The following PKD2L1 variants were observed in gnomAD, a reference collection of about 807,000 sequenced individuals.
The protein encoded by PKD2L1 is polycystin 2 like 1, transient receptor potential cation channel.
PKD2L1 carries 77 observed loss-of-function variants against 93.0 expected under a neutral mutation model. That is an observed-to-expected ratio of 0.83 (90% confidence interval 0.69 to 1.00). The LOEUF (loss-of-function observed/expected upper bound fraction) is 1.00. PKD2L1 is among the 50% of genes least tolerant of loss of function. PKD2L1 has a pLI of 0.00. For missense variants in PKD2L1, 977 were observed against 990.9 expected, an observed-to-expected ratio of 0.99 and a Z score of 0.19; for synonymous variants, 390 against 388.0, an observed-to-expected ratio of 1.01 and a Z score of -0.06.
chr10:100,296,971 G>A lies in PKD2L1; in HGVS notation c.1185+9C>T. 6.3e-7 allele frequency: 1 copy of A among 1,582,568 alleles called. No homozygotes were observed. The highest frequency in any genetic ancestry group is 8.7e-7 in the Non-Finnish European group (1 of 1,151,564). On this transcript the variant is annotated intron_variant, in intron 6 of 15. Transcript: ENST00000318222. ...AGAATGTCCCAAGTCCTAGATATCT[G>A]TCCCTCACCAAGATGACCACCAGGT...
At position 100,290,041 on chromosome 10, in the gene PKD2L1, CCTT is replaced by C. The variant is rs773510970; in HGVS notation, c.2221_2223del (p.Lys741del). On this transcript the variant is annotated inframe_deletion, in exon 14 of 16. Transcript: ENST00000318222. The stretch of plus-strand genomic sequence containing the variant: ...ACGCCTGGGGAGGGAGCCAGCCACC[CCTT>C]CCTCTCCAGCATTTTCAGCTTTGAG... The C allele has an allele frequency of 2.9e-5, 47 of 1,614,182 alleles. No homozygotes were observed. Among genetic ancestry groups the C allele is most frequent in the Non-Finnish European group, 3.8e-5 (45 of 1,180,038 alleles).
intron 15 of PKD2L1, 124 bp downstream of exon 15, chr10:100,288,848 G>A: frequency 1.6e-6 from 1 of 608,854 alleles, no homozygotes; most frequent in Non-Finnish European, 2.9e-6. Context: ...GATGCAGGGT[G>A]GGGCTCAGCA....
intron 13 of PKD2L1, 101 bp downstream of exon 13, chr10:100,290,300 G>C: frequency 8.0e-7 from 1 of 1,248,498 alleles, no homozygotes; most frequent in Non-Finnish European, 1.2e-6. Flanking sequence ...GTTCTCCCTG[G>C]GGTAGGACAG....
intron 2 of PKD2L1, among the ~76,000 whole-genome samples, chr10:100,306,750 G>A (rs767197219): frequency 5.3e-5 from 8 of 150,380 alleles, no homozygotes; most frequent in Admixed American, 3.3e-4. Context: ...CCAGCTACTC[G>A]GGGGACTGAG....
chr10:100,316,954 G>A (rs1849112986), intron 2 of PKD2L1, among the ~76,000 whole-genome samples: 1 of 152,078 alleles, frequency 6.6e-6, no homozygotes, highest in Non-Finnish European at 1.5e-5. Context: ...TGGGTGTGGT[G>A]GCACCTGCCT....
At chr10:100,288,926 G>T in intron 15 of PKD2L1, 46 bp downstream of exon 15, 1 of 1,304,852 alleles carries the variant, frequency 7.7e-7, no homozygotes, top group Non-Finnish European at 1.1e-6. Flanking sequence ...TGCGGAGGCA[G>T]AGGGAGGGAA....
chr10:100,310,167 C>G (rs1462746504), intron 2 of PKD2L1, among the ~76,000 whole-genome samples: 1 of 152,086 alleles, frequency 6.6e-6, no homozygotes, highest in African/African-American at 2.4e-5. Context: ...GACCCCATTT[C>G]TACAAAAAGA....
At chr10:100,312,984 G>A (rs1036152085) in intron 2 of PKD2L1, among the ~76,000 whole-genome samples, 3 of 152,006 alleles carry the variant, frequency 2.0e-5, no homozygotes, top group African/African-American at 7.2e-5. Context: ...TCTCTGCGAA[G>A]GAGGGCACAC....
At chr10:100,318,896 AGTACAG>A (rs1293505688) in intron 2 of PKD2L1, among the ~76,000 whole-genome samples, 1 of 145,478 alleles carries the variant, frequency 6.9e-6, no homozygotes, top group East Asian at 2.0e-4. Flanking sequence ...GCCCAGGCTG[AGTACAG>A]TGGCGTGATC....
chr10:100,291,434 A>G lies in PKD2L1; in HGVS notation c.1881-7T>C. On this transcript the variant is annotated splice_region_variant and splice_polypyrimidine_tract_variant and intron_variant, in intron 11 of 15. Coordinates refer to ENST00000318222, the MANE Select transcript of PKD2L1 (RefSeq NM_016112.3). ...ATGCTCTGCGTGTCCCAGTCTGAGA[A>G]GAGGATGATGAAATGATTTCTGCCC... The G allele has an allele frequency of 6.2e-7, 1 of 1,613,832 alleles. No individual in the cohort carries two copies. Among genetic ancestry groups the G allele is most frequent in the South Asian group, 1.1e-5 (1 of 91,054 alleles).
At chr10:100,295,687 C>A (rs1848515694) in intron 7 of PKD2L1, among the ~76,000 whole-genome samples, 1 of 133,242 alleles carries the variant, frequency 7.5e-6, no homozygotes, top group African/African-American at 2.9e-5. Flanking sequence ...GAGCTGAGAT[C>A]GTGCCATTGT....
At chr10:100,315,721 C>T (rs765752930) in intron 2 of PKD2L1, among the ~76,000 whole-genome samples, 1 of 152,102 alleles carries the variant, frequency 6.6e-6, no homozygotes, top group African/African-American at 2.4e-5. Context: ...TGCTGGTTTA[C>T]GCCTTTTTCC....
At position 100,289,997 on chromosome 10, in the gene PKD2L1, A is replaced by T; in HGVS notation, c.2250+18T>A. On this transcript the variant is annotated intron_variant, in intron 14 of 15. Transcript: ENST00000318222. ...TCAGCTGTGAGGAACTAGGAGGACC[A>T]GGTGAAGGGCCACTCACCACGCCTG... 4 of 1,613,954 alleles carry T rather than the reference A, an allele frequency of 2.5e-6. No homozygotes were observed. The highest frequency in any genetic ancestry group is 3.4e-6 in the Non-Finnish European group (4 of 1,179,832).
intron 2 of PKD2L1, among the ~76,000 whole-genome samples, chr10:100,321,222 G>A (rs926712364): frequency 2.6e-5 from 4 of 152,096 alleles, no homozygotes; most frequent in Non-Finnish European, 4.4e-5. Flanking sequence ...CACTTTGGGA[G>A]GTCGAGGTGG....
intron 2 of PKD2L1, among the ~76,000 whole-genome samples, chr10:100,317,802 C>T (rs1024349597): frequency 7.2e-5 from 11 of 151,930 alleles, no homozygotes; most frequent in Non-Finnish European, 1.3e-4. Context: ...TTGCTGTGGC[C>T]GGGCATGGTG....
chr10:100,323,823 A>G (rs1260514533), intron 2 of PKD2L1, among the ~76,000 whole-genome samples: 2 of 150,338 alleles, frequency 1.3e-5, no homozygotes, highest in Admixed American at 6.6e-5. Flanking sequence ...GATAAACTTT[A>G]TTTATTTATT....
rs149093514 is a variant in PKD2L1, at chr10:100,296,133, C to A, written c.1345G>T (p.Ala449Ser). ...GGAATCCCAGGTACCTTGATCCAGG[C>A]GAAGAAGAGGTTGACAGCATTCATG... is the stretch of plus-strand genomic sequence containing the variant. ...NNMNAVNLFF[A>S]WIKIFKYISF... Residue 449 changes from alanine (A) to serine (S), a missense_variant, in exon 7 of 16, where the codon GCC (alanine) becomes TCC (serine). Ala to Ser is a moderately conservative substitution (Grantham distance 99). Coordinates refer to ENST00000318222, the MANE Select transcript of PKD2L1 (RefSeq NM_016112.3). The A allele has an allele frequency of 1.0e-4, 161 of 1,608,542 alleles. No individual in the cohort carries two copies. The African/African-American group carries it at 1.8e-3, about 18-fold the overall frequency.
chr10:100,301,438 A>G, intron 2 of PKD2L1, among the ~76,000 whole-genome samples: 1 of 147,768 alleles, frequency 6.8e-6, no homozygotes, highest in African/African-American at 2.5e-5. Context: ...ACACCCCCAG[A>G]GCAGCCATTT....
In PKD2L1 at chr10:100,298,777, G is replaced by A. The variant is rs1450343808; in HGVS notation, c.516C>T (p.Thr172=). The A allele has an allele frequency of 6.2e-7, 1 of 1,613,588 alleles. No homozygotes were observed. The highest frequency in any genetic ancestry group is 8.5e-7 in the Non-Finnish European group (1 of 1,179,952). ...CCAGGCTCTGGTTGTTGTACCATTT[G>A]GTCCAATACAAACTGTCCAGTAGTG... ...QGPLLDSLYW[T]KWYNNQSLGH... is the part of the protein sequence containing the mutation. The change falls in exon 4 of 16, where the codon ACC becomes ACT. Residue 172 remains threonine (T), a synonymous_variant. Coordinates refer to ENST00000318222, the MANE Select transcript of PKD2L1 (RefSeq NM_016112.3).
Sources: gnomAD v4.1 joint callset for allele counts (sites outside exome capture counted in the v4.1 genomes callset) on GRCh38, gnomAD v4.1.1 for gene constraint, MANE v1.5 for transcripts, NCBI Gene and HGNC (gene_info 2026-07-23, HGNC 2026-07-21) for gene names.